The following INPP5D variants were observed in gnomAD, a reference collection of about 807,000 sequenced individuals.
INPP5D encodes the protein inositol polyphosphate-5-phosphatase D.
A neutral mutation model predicts 122.9 loss-of-function variants in INPP5D; 33 were observed. The ratio of observed to expected loss-of-function variants is 0.27; its 90% CI spans 0.20 to 0.36. The LOEUF (loss-of-function observed/expected upper bound fraction) is 0.36. Among genes scored for constraint, INPP5D ranks in the 10% least tolerant of loss-of-function variants. INPP5D has a pLI of 1.00. For missense variants in INPP5D, 1,053 were observed against 1,412.7 expected (o/e 0.75, Z 4.08); for synonymous variants, 584 against 576.2 (o/e 1.01, Z -0.19).
intron 9 of INPP5D, among the ~76,000 whole-genome samples, chr2:233,156,353 G>C (rs902482904): frequency 6.6e-6 from 1 of 152,170 alleles, no homozygotes; most frequent in Admixed American, 6.5e-5. Flanking sequence ...GCAGTGACAC[G>C]ATCTTGGCTC....
At position 233,188,969 on chromosome 2, in the gene INPP5D, C is replaced by A. The variant is rs145215831; in HGVS notation, c.2359-881C>A. 1.3e-5 allele frequency among the ~76,000 whole-genome samples: 2 copies of A among 152,192 alleles called. No homozygotes were observed. The highest frequency in any genetic ancestry group is 6.5e-5 in the Admixed American group (1 of 15,280). On this transcript the variant is annotated intron_variant, in intron 21 of 26. Transcript: ENST00000445964. This position sits in a 1 kb window ranked among gnomAD's most constrained non-coding sequence, Gnocchi z 4.7. Reference sequence around the variant, plus strand: ...GTGTCTGGAAAGGAAGGGAGGGAATCGCCTAGAACAAAGTATCACCTTTTT... The same window carrying A: ...GTGTCTGGAAAGGAAGGGAGGGAATAGCCTAGAACAAAGTATCACCTTTTT...
At chr2:233,199,066 G>A (rs1332245054) in intron 25 of INPP5D, among the ~76,000 whole-genome samples, 2 of 151,798 alleles carry the variant, frequency 1.3e-5, no homozygotes, top group African/African-American at 2.4e-5. Flanking sequence ...CCTGGCCAAC[G>A]TGGTGAAACC....
At chr2:233,125,644 C>T in intron 3 of INPP5D, 101 bp from the exon 4 acceptor site, 2 of 1,030,878 alleles carry the variant, frequency 1.9e-6, no homozygotes, top group African/African-American at 1.6e-5. Context: ...AGATGGAGAT[C>T]AATAACGTGG....
chr2:233,085,642 C>T (rs1691810826), intron 2 of INPP5D, among the ~76,000 whole-genome samples: 1 of 152,124 alleles, frequency 6.6e-6, no homozygotes, highest in Admixed American at 6.5e-5. Flanking sequence ...AGTTTTTATT[C>T]CAGCTCTTCT....
At chr2:233,099,203 G>C (rs1263767281) in intron 2 of INPP5D, among the ~76,000 whole-genome samples, 1 of 152,098 alleles carries the variant, frequency 6.6e-6, no homozygotes, top group South Asian at 2.1e-4. Context: ...CACCCACCTT[G>C]GCCTCCCAAA....
At position 233,184,358 on chromosome 2, in the gene INPP5D, C is replaced by A. The variant is rs773031573; in HGVS notation, c.2162-50C>A. ...GGCATGAGAACTAATTTGAAATGCT[C>A]CATCTCCAGGCACATTGTGGAACTG... On this transcript the variant is annotated intron_variant, in intron 19 of 26. Transcript: ENST00000445964. 5 of 1,599,332 alleles carry A rather than the reference C, an allele frequency of 3.1e-6. No homozygotes were observed. The South Asian group carries it at 5.6e-5, about 18-fold the overall frequency.
intron 5 of INPP5D, among the ~76,000 whole-genome samples, chr2:233,135,285 TC>T (rs1324036054): frequency 1.3e-5 from 2 of 151,784 alleles, no homozygotes; most frequent in African/African-American, 4.8e-5. Context: ...ATCCTTGAAC[TC>T]CTAGGCTCAA....
intron 20 of INPP5D, among the ~76,000 whole-genome samples, chr2:233,185,175 G>A (rs1438832428): frequency 6.6e-6 from 1 of 152,050 alleles, no homozygotes; most frequent in Non-Finnish European, 1.5e-5. Flanking sequence ...GGAGGAAAAG[G>A]GGGCATCACC....
intron 2 of INPP5D, among the ~76,000 whole-genome samples, chr2:233,095,294 G>A (rs941293885): frequency 2.6e-5 from 4 of 152,164 alleles, no homozygotes; most frequent in Non-Finnish European, 1.5e-5. Flanking sequence ...TTTAGAGATA[G>A]GATCTCACTG....
At chr2:233,124,963 CCAGA>C (rs1258295942) in intron 3 of INPP5D, among the ~76,000 whole-genome samples, 2 of 152,346 alleles carry the variant, frequency 1.3e-5, no homozygotes, top group South Asian at 2.1e-4. Context: ...CTTCAGAACC[CCAGA>C]CAGAGGAAGT....
intron 2 of INPP5D, among the ~76,000 whole-genome samples, chr2:233,086,319 C>T (rs1365782156): frequency 6.6e-6 from 1 of 152,026 alleles, no homozygotes; most frequent in Non-Finnish European, 1.5e-5. Context: ...GCTGGGATTA[C>T]AGGCACCTGC....
rs943494022 is a variant in INPP5D at position 233,158,632 on chromosome 2, T to C, written c.1137+213T>C. Among the ~76,000 whole-genome samples the C allele has an allele frequency of 1.4e-4, 22 of 152,258 alleles. 1 individual carries two copies. In the Middle Eastern group the frequency reaches 0.01, roughly 71 times the overall value. ...ATCACTGTCTCAGGAGTAGGGAGGC[T>C]TCCCACTTTGCCCAGCTGCCTCCCA... is the stretch of plus-strand genomic sequence containing the variant. On this transcript the variant is annotated intron_variant, in intron 10 of 26. Transcript: ENST00000445964.
At chr2:233,116,354 A>G (rs1287124674) in intron 2 of INPP5D, among the ~76,000 whole-genome samples, 1 of 151,686 alleles carries the variant, frequency 6.6e-6, no homozygotes, top group African/African-American at 2.4e-5. Context: ...CAGTGGTGTG[A>G]TTGTGGCTCA....
intron 9 of INPP5D, among the ~76,000 whole-genome samples, chr2:233,149,012 T>C (rs575862265): frequency 4.5e-4 from 69 of 152,260 alleles, no homozygotes; most frequent in African/African-American, 1.5e-3. Context: ...GACATACTTA[T>C]ATGCAACAAT....
chr2:233,061,808 G>A (rs1356140664), intron 1 of INPP5D, among the ~76,000 whole-genome samples: 1 of 152,248 alleles, frequency 6.6e-6, no homozygotes, highest in East Asian at 1.9e-4. Context: ...GAGACCAGCA[G>A]CCTGTGGCCC....
rs1329379596 is a variant in INPP5D at position 233,206,488 on chromosome 2, C to T, written c.3568-218C>T. Among the ~76,000 whole-genome samples, 3 of 152,174 alleles carry T rather than the reference C, an allele frequency of 2.0e-5. No homozygotes were observed. The East Asian group carries it at 5.8e-4, about 29-fold the overall frequency. The stretch of plus-strand genomic sequence containing the variant: ...GCTGCAGTGAGCTATGATTGCACCA[C>T]TGCACTCCAGACTAGGCAACAGAGT... On this transcript the variant is annotated intron_variant, in intron 26 of 26. Coordinates refer to ENST00000445964, the MANE Select transcript of INPP5D (RefSeq NM_001017915.3). The surrounding 1 kb of genome is among the most constrained non-coding windows in gnomAD (Gnocchi z 4.0).
At chr2:233,068,931 G>T (rs1228753099) in intron 1 of INPP5D, among the ~76,000 whole-genome samples, 1 of 152,198 alleles carries the variant, frequency 6.6e-6, no homozygotes, top group Non-Finnish European at 1.5e-5. Flanking sequence ...TGAAACCAGG[G>T]GCAATGAACA....
intron 5 of INPP5D, 105 bp downstream of exon 5, chr2:233,130,753 G>A: frequency 8.4e-7 from 1 of 1,184,470 alleles, no homozygotes; most frequent in Non-Finnish European, 1.2e-6. Flanking sequence ...AAATGCCTCT[G>A]CCGCACTCAC....
rs1694572846 is a variant in INPP5D at position 233,174,660 on chromosome 2, C to T, written c.1990-2605C>T. ...TACAAAAATTAGCCAGGTGTGGTGG[C>T]GCACTCCTGTGATCCCAGCTACTCA... On this transcript the variant is annotated intron_variant, in intron 17 of 26. Transcript: ENST00000445964. 3.3e-5 allele frequency among the ~76,000 whole-genome samples: 5 copies of T among 151,870 alleles called. No homozygotes were observed. In the South Asian group the frequency reaches 6.2e-4, roughly 19 times the overall value.
Sources: allele counts gnomAD v4.1 joint callset (sites outside exome capture counted in the v4.1 genomes callset), GRCh38; gene constraint gnomAD v4.1.1; non-coding constraint Gnocchi (gnomAD v3.1); transcripts MANE v1.5; gene names NCBI Gene and HGNC (gene_info 2026-07-23, HGNC 2026-07-21).